Variants in PRR16 observed in about 807,000 individuals in gnomAD.
The protein encoded by PRR16 is proline rich 16.
A neutral mutation model predicts 18.2 loss-of-function variants in PRR16; 6 were observed. That is an observed-to-expected ratio of 0.33 (90% confidence interval 0.18 to 0.65). The LOEUF (loss-of-function observed/expected upper bound fraction) is 0.65, where lower values mean the gene tolerates loss of function less well. Among genes scored for constraint, PRR16 ranks in the 30% least tolerant of loss-of-function variants. The pLI is 0.74. For synonymous variants in PRR16, 151 were observed against 147.8 expected (o/e 1.02, Z -0.16); for missense variants, 412 against 376.6 (o/e 1.09, Z -0.78).
Position 120,564,388 on chromosome 5 carries a change from C to G in PRR16, c.159+99743C>G, listed in dbSNP as rs143891477. On this transcript the variant is annotated intron_variant, in intron 1 of 1. Transcript: ENST00000407149. ...AGTTTACCTAGCACCCCAGAACACT[C>G]TGGCCTGTAGTGGCGAGGCTTCCCG... is the stretch of plus-strand genomic sequence containing the variant. Among the ~76,000 whole-genome samples the G allele has an allele frequency of 4.9e-3, 742 of 152,238 alleles. 8 individuals are homozygous for G. Among genetic ancestry groups the G allele is most frequent in the Non-Finnish European group, 9.2e-3 (625 of 68,004 alleles).
chr5:120,616,281 G>A (rs1045552869), intron 1 of PRR16, among the ~76,000 whole-genome samples: 3 of 152,142 alleles, frequency 2.0e-5, no homozygotes, highest in Non-Finnish European at 2.9e-5. Flanking sequence ...CAAAGTGTAA[G>A]GTGGGAATGA....
At chr5:120,728,325 C>CTTTT in the PRR16 span, among the ~76,000 whole-genome samples, 1 of 146,416 alleles carries the variant, frequency 6.8e-6, no homozygotes, top group Admixed American at 6.8e-5. Flanking sequence ...CAAAAATAAC[C>CTTTT]TTTTTTTTTT....
chr5:120,627,818 C>A (rs1416039250), intron 1 of PRR16, among the ~76,000 whole-genome samples: 1 of 152,062 alleles, frequency 6.6e-6, no homozygotes, highest in Non-Finnish European at 1.5e-5. Context: ...GATCTCAGTC[C>A]ATTTCTTATG....
At chr5:120,555,937 T>TA (rs1257052066) in intron 1 of PRR16, among the ~76,000 whole-genome samples, 1 of 151,800 alleles carries the variant, frequency 6.6e-6, no homozygotes, top group Non-Finnish European at 1.5e-5. Flanking sequence ...AAAAATTGAT[T>TA]AAAAAAGACT....
At chr5:120,622,416 G>A (rs1580798254) in intron 1 of PRR16, among the ~76,000 whole-genome samples, 1 of 151,916 alleles carries the variant, frequency 6.6e-6, no homozygotes, top group Non-Finnish European at 1.5e-5. Context: ...TGAGAGCAAA[G>A]CATGACAAGT....
At chr5:120,710,255 T>C in the PRR16 span, among the ~76,000 whole-genome samples, 1 of 152,330 alleles carries the variant, frequency 6.6e-6, no homozygotes, top group South Asian at 2.1e-4. Context: ...TTTAGCATCA[T>C]AGCTCCAGGG....
chr5:120,710,947 T>A, the PRR16 span: 1 of 151,386 alleles, frequency 6.6e-6, no homozygotes, highest in African/African-American at 2.4e-5. Flanking sequence ...CCACTCTTTT[T>A]TTTTTCCCCC....
the PRR16 span, among the ~76,000 whole-genome samples, chr5:120,710,313 A>G: frequency 6.6e-6 from 1 of 152,078 alleles, no homozygotes; most frequent in Non-Finnish European, 1.5e-5. Flanking sequence ...TAAAAAATTT[A>G]TCATTTTAGT....
chr5:120,676,059 C>T (rs1285705033), intron 1 of PRR16, among the ~76,000 whole-genome samples: 1 of 152,028 alleles, frequency 6.6e-6, no homozygotes, highest in East Asian at 1.9e-4. Flanking sequence ...AGTATATATC[C>T]TCCATATTTA....
chr5:120,587,337 A>C (rs1183181546), intron 1 of PRR16, among the ~76,000 whole-genome samples: 1 of 152,248 alleles, frequency 6.6e-6, no homozygotes, highest in Non-Finnish European at 1.5e-5. Flanking sequence ...ACAGATTTAC[A>C]ATGAAGATGA....
the PRR16 span, among the ~76,000 whole-genome samples, chr5:120,793,243 C>T: frequency 6.6e-6 from 1 of 151,954 alleles, no homozygotes; most frequent in Non-Finnish European, 1.5e-5. Flanking sequence ...ATACGTAGTT[C>T]CTTGTTAATG....
chr5:120,520,536 A>G (rs1008952330), intron 1 of PRR16, among the ~76,000 whole-genome samples: 8 of 152,248 alleles, frequency 5.3e-5, no homozygotes, highest in Non-Finnish European at 8.8e-5. Context: ...CCAGGGTGAG[A>G]GAAACTCTTT....
chr5:120,465,284 C>T (rs1396484447), intron 1 of PRR16, among the ~76,000 whole-genome samples: 1 of 152,236 alleles, frequency 6.6e-6, no homozygotes, highest in East Asian at 1.9e-4. Context: ...CTCCGAACGT[C>T]GTTACCAGTA....
the PRR16 span, chr5:120,790,212 C>G: frequency 6.6e-6 from 1 of 152,218 alleles, no homozygotes; most frequent in East Asian, 1.9e-4. Flanking sequence ...TCTCTTCACT[C>G]AGAAATTACC....
chr5:120,545,617 G>T (rs74543363), intron 1 of PRR16, among the ~76,000 whole-genome samples: 1 of 151,828 alleles, frequency 6.6e-6, no homozygotes, highest in Non-Finnish European at 1.5e-5. Flanking sequence ...ATGTTGCATG[G>T]TGTATTTTAT....
At position 120,501,752 on chromosome 5, in the gene PRR16, T is replaced by C. The variant is rs548345277; in HGVS notation, c.159+37107T>C. On this transcript the variant is annotated intron_variant, in intron 1 of 1. Transcript: ENST00000407149. ...CGGGCAGATCACAAGGTCAGGAGAC[T>C]GAGACCATCCTGGCTACCACAGTGA... Among the ~76,000 whole-genome samples, 642 of 151,764 alleles carry C rather than the reference T, an allele frequency of 4.2e-3. 2 individuals are homozygous for C. Among genetic ancestry groups the C allele is most frequent in the Non-Finnish European group, 7.0e-3 (473 of 67,884 alleles).
the PRR16 span, among the ~76,000 whole-genome samples, chr5:120,725,762 T>C: frequency 6.6e-6 from 1 of 152,092 alleles, no homozygotes; most frequent in African/African-American, 2.4e-5. Flanking sequence ...GAAATTATCT[T>C]ACTCTTCTGA....
At chr5:120,562,075 A>G (rs1325379436) in intron 1 of PRR16, among the ~76,000 whole-genome samples, 1 of 152,034 alleles carries the variant, frequency 6.6e-6, no homozygotes, top group Non-Finnish European at 1.5e-5. Context: ...TGAATATGGG[A>G]TATTGAAGTC....
In PRR16 at chr5:120,560,103, C is replaced by G. The variant is rs1177939923; in HGVS notation, c.159+95458C>G. ...CAAACATGGATAATTTGGTATCTTT[C>G]ATTCCAATTTGGATGCCCTTTATTT... On this transcript the variant is annotated intron_variant, in intron 1 of 1. Transcript: ENST00000407149. 2.0e-5 allele frequency among the ~76,000 whole-genome samples: 3 copies of G among 151,720 alleles called. No homozygotes were observed. In the East Asian group the frequency reaches 5.8e-4, roughly 29 times the overall value.
Sources: allele counts gnomAD v4.1 joint callset (sites outside exome capture counted in the v4.1 genomes callset), GRCh38; gene constraint gnomAD v4.1.1; transcripts MANE v1.5; gene names NCBI Gene and HGNC (gene_info 2026-07-23, HGNC 2026-07-21).